The following DMD variants were observed in gnomAD, a reference collection of about 807,000 sequenced individuals.
DMD encodes the protein mutant dystrophin.
A neutral mutation model predicts 330.1 loss-of-function variants in DMD; 63 were observed. That is an observed-to-expected ratio of 0.19 (90% CI 0.16 to 0.24). The LOEUF (loss-of-function observed/expected upper bound fraction) is 0.24. Ranked by LOEUF, DMD falls within the 10% of genes least tolerant of loss-of-function variation. The pLI, the probability that DMD is intolerant of heterozygous loss-of-function variation, is 1.00. For missense variants in DMD, 3,344 were observed against 2,684.1 expected, an observed-to-expected ratio of 1.25 and a Z score of -5.43; for synonymous variants, 1,223 against 959.8, an observed-to-expected ratio of 1.27 and a Z score of -5.07.
chrX:32,779,331 T>C (rs745955799), intron 7 of DMD, among the ~76,000 whole-genome samples: 1 of 110,336 alleles, frequency 9.1e-6, no homozygotes, highest in African/African-American at 3.3e-5. Context: ...CTAATATTTA[T>C]ATTAATATGC....
At chrX:32,396,471 T>C (rs1007298354) in intron 30 of DMD, among the ~76,000 whole-genome samples, 1 of 111,425 alleles carries the variant, frequency 9.0e-6, no homozygotes, top group African/African-American at 3.2e-5. Context: ...AGATTATGCA[T>C]TAAAAAGAAC....
chrX:32,836,270 G>A (rs2148928863), intron 4 of DMD, among the ~76,000 whole-genome samples: 1 of 109,925 alleles, frequency 9.1e-6, no homozygotes, highest in South Asian at 4.0e-4. Flanking sequence ...GACCTCAGGT[G>A]ATCTGCCCGC....
intron 43 of DMD, among the ~76,000 whole-genome samples, chrX:32,280,769 G>A (rs1603629878): frequency 8.9e-6 from 1 of 111,880 alleles, no homozygotes; most frequent in South Asian, 3.7e-4. Context: ...GATAACGTGA[G>A]GATTAGTATA....
chrX:32,214,280 A>T (rs2097104650), intron 44 of DMD, among the ~76,000 whole-genome samples: 1 of 109,939 alleles, frequency 9.1e-6, no homozygotes, highest in African/African-American at 3.3e-5. Context: ...TTTTCAACAC[A>T]TTGAACATCA....
chrX:32,499,919 T>C (rs1374762671), intron 19 of DMD, among the ~76,000 whole-genome samples: 1 of 111,502 alleles, frequency 9.0e-6, no homozygotes, highest in Non-Finnish European at 1.9e-5. Flanking sequence ...AACAAATAGA[T>C]AAGTTAGAAT....
At chrX:33,063,688 C>T (rs1207338603) in intron 1 of DMD, among the ~76,000 whole-genome samples, 1 of 111,061 alleles carries the variant, frequency 9.0e-6, no homozygotes, top group African/African-American at 3.3e-5. Context: ...AGAGGCAGTT[C>T]TTTGCCCCTA....
At chrX:32,797,128 T>C (rs756922038) in intron 7 of DMD, among the ~76,000 whole-genome samples, 1 of 111,407 alleles carries the variant, frequency 9.0e-6, no homozygotes, top group Admixed American at 9.6e-5. Context: ...TTGTTTGTTT[T>C]TGTGGGATGG....
intron 2 of DMD, among the ~76,000 whole-genome samples, chrX:32,926,656 G>A (rs1458409520): frequency 9.3e-6 from 1 of 108,102 alleles, no homozygotes; most frequent in African/African-American, 3.4e-5. Context: ...GGAGGCTGAG[G>A]CAGGAGAATC....
At position 32,121,645 on chromosome X, in the gene DMD, A is replaced by G. The variant is rs1272959292; in HGVS notation, c.6438+95271T>C. 2.4e-4 allele frequency among the ~76,000 whole-genome samples: 20 copies of G among 84,075 alleles called. 1 individual carries two copies. The highest frequency in any genetic ancestry group is 4.3e-4 in the Non-Finnish European group (19 of 43,959). The allele number at this position is 84,075 out of a possible 115,157, so 73.0% of individuals were successfully genotyped here. On this transcript the variant is annotated intron_variant, in intron 44 of 78. Coordinates refer to ENST00000357033, the MANE Select transcript of DMD (RefSeq NM_004006.3). Reference sequence around the variant, plus strand: ...CATATATATATATATATATATATATATATATATATATATATATATGTATTC... The same window carrying G: ...CATATATATATATATATATATATATGTATATATATATATATATATGTATTC...
chrX:33,253,032 A>G (rs2052797006), intron 1 of DMD, among the ~76,000 whole-genome samples: 1 of 111,820 alleles, frequency 8.9e-6, no homozygotes, highest in African/African-American at 3.2e-5. Flanking sequence ...CAAAAATAAA[A>G]TCAAAGTAAA....
intron 43 of DMD, among the ~76,000 whole-genome samples, chrX:32,245,377 G>C (rs1290181004): frequency 1.3e-5 from 1 of 77,622 alleles, no homozygotes; most frequent in East Asian, 5.8e-4. Context: ...TTGTAGTATA[G>C]TTTGAAGTCA....
At position 31,121,860 on chromosome X, in the gene DMD, G is replaced by T. The variant is rs1057520501; in HGVS notation, c.*59C>A. The T allele has an allele frequency of 1.0e-5, 12 of 1,203,127 alleles. No individual in the cohort carries two copies. Among genetic ancestry groups the T allele is most frequent in the Admixed American group, 2.2e-5 (1 of 45,748 alleles). On this transcript the variant is annotated 3_prime_UTR_variant, in exon 79 of 79. Coordinates refer to ENST00000357033, the MANE Select transcript of DMD (RefSeq NM_004006.3). ...ATTCTGCTCCTTCTTCATCTGTCAT[G>T]ACTGATACTAAGGACTCCATCGCTC...
chrX:31,177,316 G>C (rs1174385282), intron 71 of DMD, among the ~76,000 whole-genome samples: 1 of 111,445 alleles, frequency 9.0e-6, no homozygotes, highest in Non-Finnish European at 1.9e-5. Context: ...TTTATGAGCT[G>C]AATATTTAGC....
chrX:32,471,381 TG>T (rs1348334500), intron 22 of DMD, among the ~76,000 whole-genome samples: 2 of 112,252 alleles, frequency 1.8e-5, no homozygotes, highest in Non-Finnish European at 3.8e-5. Flanking sequence ...GTTAAAAAAA[TG>T]TAGCTATTAG....
intron 60 of DMD, among the ~76,000 whole-genome samples, chrX:31,350,648 A>T (rs916465334): frequency 3.8e-5 from 4 of 105,630 alleles, no homozygotes; most frequent in African/African-American, 1.4e-4. Context: ...AGAGAGAGAG[A>T]GAGAGAGAGA....
intron 17 of DMD, among the ~76,000 whole-genome samples, chrX:32,538,151 T>C (rs757674915): frequency 8.9e-6 from 1 of 112,351 alleles, no homozygotes; most frequent in Non-Finnish European, 1.9e-5. Context: ...CAGGAATAGA[T>C]GGCCCCTGTC....
intron 26 of DMD, 100 bp from the exon 27 acceptor site, chrX:32,448,738 T>G (rs901555415): frequency 4.7e-5 from 36 of 759,127 alleles, no homozygotes; most frequent in Non-Finnish European, 6.6e-5. Context: ...ACATCCCAGT[T>G]AGAATGAGAA....
At chrX:32,112,541 GT>G (rs2096593902) in intron 44 of DMD, among the ~76,000 whole-genome samples, 2 of 111,579 alleles carry the variant, frequency 1.8e-5, no homozygotes, top group African/African-American at 6.5e-5. Flanking sequence ...ATTATAATAG[GT>G]TTTGGACATC....
chrX:31,140,779 AT>A (rs1337551524), intron 76 of DMD, among the ~76,000 whole-genome samples: 4 of 110,196 alleles, frequency 3.6e-5, no homozygotes, highest in African/African-American at 1.3e-4. Context: ...CACTTTACTG[AT>A]TGTTTGTTGC....
Sources: allele counts gnomAD v4.1 joint callset (sites outside exome capture counted in the v4.1 genomes callset), GRCh38; gene constraint gnomAD v4.1.1; transcripts MANE v1.5; gene names NCBI Gene and HGNC (gene_info 2026-07-23, HGNC 2026-07-21).